The following DOCK5 variants were observed in gnomAD, a reference collection of about 807,000 sequenced individuals.
DOCK5 encodes the protein dedicator of cytokinesis protein 5.
Under a neutral mutation model 251.8 loss-of-function variants are expected in DOCK5, and 142 were observed. The observed-to-expected ratio is 0.56, with a 90% CI of 0.49 to 0.65. The LOEUF (loss-of-function observed/expected upper bound fraction) is 0.65. DOCK5 is among the 30% of genes least tolerant of loss of function. The pLI is 0.00. For missense variants in DOCK5, 2,111 were observed against 2,312.3 expected (o/e 0.91, Z 1.79); for synonymous variants, 842 against 835.5 (o/e 1.01, Z -0.13).
At chr8:25,362,391 C>T (rs1056954741) in intron 28 of DOCK5, among the ~76,000 whole-genome samples, 3 of 151,890 alleles carry the variant, frequency 2.0e-5, no homozygotes, top group African/African-American at 7.3e-5. Context: ...GTCCAAAGCT[C>T]CAAGTTCTCA....
At chr8:25,184,974 C>A in intron 1 of DOCK5, 23 bp downstream of exon 1, 1 of 1,355,392 alleles carries the variant, frequency 7.4e-7, no homozygotes, top group Non-Finnish European at 9.6e-7. Flanking sequence ...CCCACCTTGT[C>A]CCGGCCCGAC....
At chr8:25,261,658 A>G (rs991360196) in intron 2 of DOCK5, among the ~76,000 whole-genome samples, 2 of 152,236 alleles carry the variant, frequency 1.3e-5, no homozygotes, top group South Asian at 2.1e-4. Context: ...TAGGTTTACA[A>G]TTCAATGTGT....
intron 18 of DOCK5, among the ~76,000 whole-genome samples, chr8:25,328,563 G>C (rs1167536298): frequency 6.6e-6 from 1 of 152,200 alleles, no homozygotes; most frequent in Non-Finnish European, 1.5e-5. Flanking sequence ...TGACTGAGTA[G>C]AGAGGGTAGC....
chr8:25,252,896 A>G (rs966113540), intron 2 of DOCK5, among the ~76,000 whole-genome samples: 2 of 152,042 alleles, frequency 1.3e-5, no homozygotes, highest in African/African-American at 2.4e-5. Flanking sequence ...CAGTGGTGCA[A>G]TCTTGGCTCA....
Position 25,408,045 on chromosome 8 carries a change from C to G in DOCK5, c.5156C>G (p.Ser1719Cys), listed in dbSNP as rs1033055961. Reference protein sequence around the residue: ...ASSGARVEDLSLREENSENRI... With the variant: ...ASSGARVEDLCLREENSENRI... Reference sequence around the variant, plus strand: ...TCAGGTGCCAGAGTTGAAGATCTGTCCCTTAGAGAGGAGAACAGCGAGAAC... The same window carrying G: ...TCAGGTGCCAGAGTTGAAGATCTGTGCCTTAGAGAGGAGAACAGCGAGAAC... Residue 1719 changes from serine (S) to cysteine (C), a missense_variant, in exon 49 of 52, where the codon TCC becomes TGC. This residue lies in a region of DOCK5 where 1,717 missense variants were observed against 1,892.4 expected (regional missense o/e 0.91). Coordinates refer to ENST00000276440, the MANE Select transcript of DOCK5 (RefSeq NM_024940.8). 2 of 1,611,352 alleles carry G rather than the reference C, an allele frequency of 1.2e-6. No individual in the cohort carries two copies. The highest frequency in any genetic ancestry group is 2.7e-5 in the African/African-American group (2 of 74,822).
intron 42 of DOCK5, among the ~76,000 whole-genome samples, chr8:25,390,617 C>T (rs1363060053): frequency 6.6e-6 from 1 of 152,082 alleles, no homozygotes; most frequent in Non-Finnish European, 1.5e-5. Flanking sequence ...AGAGGAAAAT[C>T]AGAAATTTCA....
intron 10 of DOCK5, 36 bp downstream of exon 10, chr8:25,302,490 G>A (rs1236810652): frequency 6.7e-7 from 1 of 1,493,350 alleles, no homozygotes; most frequent in African/African-American, 1.4e-5. Flanking sequence ...GTGAAATAGT[G>A]CAGTGCTGTG....
chr8:25,310,626 G>T (rs1457036181), intron 13 of DOCK5, 94 bp downstream of exon 13: 2 of 1,420,480 alleles, frequency 1.4e-6, no homozygotes, highest in Non-Finnish European at 1.9e-6. Flanking sequence ...AGAAGACTTG[G>T]TTATTTACAT....
intron 4 of DOCK5, among the ~76,000 whole-genome samples, chr8:25,276,775 C>T (rs1473630723): frequency 6.6e-6 from 1 of 152,082 alleles, no homozygotes; most frequent in Non-Finnish European, 1.5e-5. Flanking sequence ...GTGTAAATGT[C>T]ACGGTATAGA....
chr8:25,235,506 A>G (rs74766394), intron 1 of DOCK5, among the ~76,000 whole-genome samples: 2,626 of 152,094 alleles, frequency 0.017, 90 homozygotes, highest in African/African-American at 0.06. Context: ...CAATCCTCCC[A>G]CTCAGCCTCC....
At chr8:25,365,926 A>G (rs1050603134) in intron 30 of DOCK5, among the ~76,000 whole-genome samples, 5 of 152,186 alleles carry the variant, frequency 3.3e-5, no homozygotes, top group Non-Finnish European at 7.3e-5. Context: ...AGATGAATAT[A>G]TATTGTATGT....
Position 25,258,220 on chromosome 8 carries a change from C to T in DOCK5, c.128-10625C>T, listed in dbSNP as rs17053260. Among the ~76,000 whole-genome samples the T allele has an allele frequency of 3.3e-4, 50 of 151,984 alleles. No individual in the cohort carries two copies. In the East Asian group the frequency reaches 8.4e-3, roughly 26 times the overall value. On this transcript the variant is annotated intron_variant, in intron 2 of 51. Coordinates refer to ENST00000276440, the MANE Select transcript of DOCK5 (RefSeq NM_024940.8). ...TGATTTGGTCCTCTTCCTCATCCCTCACTGCCTGGACCAGGTCTCTCTGCT... is the reference window on the plus strand; with the variant it reads ...TGATTTGGTCCTCTTCCTCATCCCTTACTGCCTGGACCAGGTCTCTCTGCT...
At chr8:25,359,339 G>GT (rs1800635186) in intron 28 of DOCK5, among the ~76,000 whole-genome samples, 1 of 151,924 alleles carries the variant, frequency 6.6e-6, no homozygotes, top group Non-Finnish European at 1.5e-5. Flanking sequence ...TTTGGGAGAT[G>GT]TTTTTTGCTC....
chr8:25,343,206 A>G (rs1182168331), intron 25 of DOCK5, among the ~76,000 whole-genome samples: 1 of 149,934 alleles, frequency 6.7e-6, no homozygotes, highest in East Asian at 2.0e-4. Flanking sequence ...GGGGGGTTTC[A>G]CAATGTTGGC....
At chr8:25,297,348 C>G (rs1011887199) in intron 7 of DOCK5, among the ~76,000 whole-genome samples, 9 of 152,182 alleles carry the variant, frequency 5.9e-5, no homozygotes, top group African/African-American at 1.9e-4. Flanking sequence ...ACCTCTGCCT[C>G]CTGGGTTCAA....
chr8:25,205,221 C>T (rs1408181280), intron 1 of DOCK5, among the ~76,000 whole-genome samples: 1 of 151,868 alleles, frequency 6.6e-6, no homozygotes, highest in East Asian at 1.9e-4. Flanking sequence ...GGAGAGCGCT[C>T]TCCCTCTCTC....
intron 18 of DOCK5, among the ~76,000 whole-genome samples, chr8:25,330,421 C>A (rs749681032): frequency 6.6e-6 from 1 of 152,184 alleles, no homozygotes; most frequent in Non-Finnish European, 1.5e-5. Flanking sequence ...ATACCAAGTA[C>A]ATCTTACCAA....
chr8:25,382,869 C>T, intron 40 of DOCK5, 91 bp downstream of exon 40: 12 of 1,052,306 alleles, frequency 1.1e-5, no homozygotes, highest in Non-Finnish European at 1.7e-5. Flanking sequence ...TTAGCAGCTG[C>T]CGACCCGTGT....
At position 25,193,247 on chromosome 8, in the gene DOCK5, T is replaced by C. The variant is rs140144987; in HGVS notation, c.43+8296T>C. On this transcript the variant is annotated intron_variant, in intron 1 of 51. Transcript: ENST00000276440. Reference sequence around the variant, plus strand: ...TACATAACCTTATTTTATGTGTGTTTGTGTTTAAAGTTACCTTATTTAACA... The same window carrying C: ...TACATAACCTTATTTTATGTGTGTTCGTGTTTAAAGTTACCTTATTTAACA... Among the ~76,000 whole-genome samples the C allele has an allele frequency of 1.7e-3, 262 of 152,310 alleles. 1 individual carries two copies. Among genetic ancestry groups the C allele is most frequent in the African/African-American group, 5.9e-3 (246 of 41,560 alleles).
Sources: allele counts gnomAD v4.1 joint callset (sites outside exome capture counted in the v4.1 genomes callset), GRCh38; gene constraint gnomAD v4.1.1; regional missense constraint gnomAD v4.1.1; transcripts MANE v1.5; gene names NCBI Gene and HGNC (gene_info 2026-07-23, HGNC 2026-07-21).